Variants in CSMD2 observed in about 807,000 individuals in gnomAD.
CSMD2 encodes the protein CUB and sushi domain-containing protein 2.
CSMD2 carries 130 observed loss-of-function variants against 398.5 expected under a neutral mutation model. The ratio of observed to expected loss-of-function variants is 0.33; its 90% CI spans 0.28 to 0.38. The LOEUF (loss-of-function observed/expected upper bound fraction) is 0.38, where lower values mean the gene tolerates loss of function less well. Ranked by LOEUF, CSMD2 falls within the 10% of genes least tolerant of loss-of-function variation. The probability of loss-of-function intolerance (pLI) is 1.00; values close to 1 mark genes in which losing one functional copy is unlikely to be tolerated. For synonymous variants in CSMD2, 1,828 were observed against 1,908.5 expected, an observed-to-expected ratio of 0.96 and a Z score of 1.10; for missense variants, 3,829 against 4,764.9, an observed-to-expected ratio of 0.80 and a Z score of 5.78.
At chr1:34,052,017 C>T (rs1653227148) in intron 2 of CSMD2, among the ~76,000 whole-genome samples, 1 of 152,052 alleles carries the variant, frequency 6.6e-6, no homozygotes, top group African/African-American at 2.4e-5. Flanking sequence ...CTCTGACTGT[C>T]TTCAACCGGG....
At chr1:33,643,005 G>A (rs956428701) in intron 29 of CSMD2, among the ~76,000 whole-genome samples, 1 of 152,160 alleles carries the variant, frequency 6.6e-6, no homozygotes, top group Non-Finnish European at 1.5e-5. Flanking sequence ...TGGGGCGCTC[G>A]TAGGCCCCTT....
At chr1:33,625,938 G>C (rs1642096557) in intron 33 of CSMD2, among the ~76,000 whole-genome samples, 1 of 152,228 alleles carries the variant, frequency 6.6e-6, no homozygotes, top group Non-Finnish European at 1.5e-5. Context: ...CAACTGGCTG[G>C]TTGGTACCAG....
At chr1:33,744,994 G>C (rs1326075912) in intron 13 of CSMD2, among the ~76,000 whole-genome samples, 1 of 152,106 alleles carries the variant, frequency 6.6e-6, no homozygotes, top group African/African-American at 2.4e-5. Context: ...GAGCCACCTA[G>C]CCAAAGATGT....
At chr1:33,945,222 A>T (rs79958075) in intron 3 of CSMD2, among the ~76,000 whole-genome samples, 1,702 of 152,268 alleles carry the variant, frequency 0.011, 36 homozygotes, top group African/African-American at 0.038. Context: ...TAGGACTCCC[A>T]GTTCGATTTG....
chr1:34,038,776 C>T (rs371862020), intron 2 of CSMD2, among the ~76,000 whole-genome samples: 1 of 152,300 alleles, frequency 6.6e-6, no homozygotes, highest in African/African-American at 2.4e-5. Context: ...GCATTAATTT[C>T]CTGTAGGGAA....
chr1:34,159,338 C>CCCCCCCCCCCCCCCCG (rs56893007), intron 1 of CSMD2, among the ~76,000 whole-genome samples: 1 of 142,816 alleles, frequency 7.0e-6, no homozygotes, highest in African/African-American at 2.7e-5. Flanking sequence ...GCCCCCCCCC[C>CCCCCCCCCCCCCCCCG]ACCCAGGAGC....
chr1:33,928,012 C>T lies in CSMD2; in HGVS notation c.712+7748G>A, dbSNP rs529482185. Reference sequence around the variant, plus strand: ...GGGAAACCGCAAGAGACTGCCAGTCCCTGACTGGTGGAGCCATGCAGGGGA... The same window carrying T: ...GGGAAACCGCAAGAGACTGCCAGTCTCTGACTGGTGGAGCCATGCAGGGGA... On this transcript the variant is annotated intron_variant, in intron 4 of 70. Coordinates refer to ENST00000373381, the MANE Select transcript of CSMD2 (RefSeq NM_001281956.2). 3.3e-5 allele frequency among the ~76,000 whole-genome samples: 5 copies of T among 152,308 alleles called. No homozygotes were observed. The South Asian group carries it at 1.0e-3, about 32-fold the overall frequency.
At chr1:34,067,535 C>A (rs1655250590) in intron 2 of CSMD2, among the ~76,000 whole-genome samples, 5 of 152,134 alleles carry the variant, frequency 3.3e-5, no homozygotes, top group African/African-American at 9.7e-5. Flanking sequence ...CCAGGAAGAG[C>A]CTCAGGGATT....
intron 4 of CSMD2, among the ~76,000 whole-genome samples, chr1:33,921,697 T>A (rs1643944374): frequency 6.6e-6 from 1 of 152,186 alleles, no homozygotes; most frequent in African/African-American, 2.4e-5. Context: ...GGCATGCTGC[T>A]TGGGGGAAGG....
intron 17 of CSMD2, 55 bp from the exon 18 acceptor site, chr1:33,724,759 C>A: frequency 1.3e-6 from 2 of 1,503,466 alleles, no homozygotes; most frequent in Non-Finnish European, 1.8e-6. Flanking sequence ...TACAGAGGGA[C>A]CCCAGTTGAC....
chr1:34,077,456 C>CAAA (rs34856451), intron 2 of CSMD2, among the ~76,000 whole-genome samples: 51 of 28,348 alleles, frequency 1.8e-3, no homozygotes, highest in Non-Finnish European at 2.2e-3. Flanking sequence ...AACTCCGTCT[C>CAAA]AAAAAAAAAA....
chr1:34,049,585 T>C (rs1652943183), intron 2 of CSMD2, among the ~76,000 whole-genome samples: 1 of 152,156 alleles, frequency 6.6e-6, no homozygotes, highest in South Asian at 2.1e-4. Context: ...AACAGGGACT[T>C]GCTCACCCCT....
At chr1:33,682,312 T>G (rs771892222) in intron 25 of CSMD2, among the ~76,000 whole-genome samples, 2 of 152,164 alleles carry the variant, frequency 1.3e-5, no homozygotes, top group African/African-American at 2.4e-5. Flanking sequence ...AAATCCTTAA[T>G]TTAATCACAC....
chr1:33,909,926 T>C (rs1202240341), intron 5 of CSMD2, among the ~76,000 whole-genome samples: 1 of 152,276 alleles, frequency 6.6e-6, no homozygotes, highest in East Asian at 1.9e-4. Context: ...CAATGGGCAT[T>C]GCCATTCCCC....
chr1:34,037,294 C>T (rs1026775685), intron 2 of CSMD2, among the ~76,000 whole-genome samples: 4 of 151,960 alleles, frequency 2.6e-5, no homozygotes, highest in Non-Finnish European at 4.4e-5. Flanking sequence ...GCCTGTATTG[C>T]ACCCTCCCCG....
intron 16 of CSMD2, among the ~76,000 whole-genome samples, chr1:33,725,820 G>A (rs1359361415): frequency 1.3e-5 from 2 of 152,006 alleles, no homozygotes; most frequent in African/African-American, 4.8e-5. Flanking sequence ...GCCTCATGGA[G>A]GTCAGAACAT....
At chr1:34,092,713 C>A (rs998034306) in intron 1 of CSMD2, among the ~76,000 whole-genome samples, 1 of 151,934 alleles carries the variant, frequency 6.6e-6, no homozygotes, top group Non-Finnish European at 1.5e-5. Context: ...GCTTAAAAAA[C>A]GGCGCACCAC....
chr1:34,056,050 C>T (rs1487745987), intron 2 of CSMD2, among the ~76,000 whole-genome samples: 1 of 152,204 alleles, frequency 6.6e-6, no homozygotes, highest in African/African-American at 2.4e-5. Context: ...TTTCACAATA[C>T]CACACCAGCC....
At chr1:33,968,350 G>A (rs1645636297) in intron 3 of CSMD2, among the ~76,000 whole-genome samples, 1 of 152,184 alleles carries the variant, frequency 6.6e-6, no homozygotes. Context: ...CAATCCTCTA[G>A]CATCTGGTGT....
Sources: gnomAD v4.1 joint callset for allele counts (sites outside exome capture counted in the v4.1 genomes callset) on GRCh38, gnomAD v4.1.1 for gene constraint, MANE v1.5 for transcripts, NCBI Gene and HGNC (gene_info 2026-07-23, HGNC 2026-07-21) for gene names.